The following GABBR2 variants were observed in gnomAD, a reference collection of about 807,000 sequenced individuals.
GABBR2 encodes the protein G-protein coupled receptor 51.
In GABBR2, 23 loss-of-function variants were observed where a neutral mutation model predicts 105.6. The ratio of observed to expected loss-of-function variants is 0.22; its 90% CI spans 0.16 to 0.31. The LOEUF (loss-of-function observed/expected upper bound fraction) is 0.31, where lower values mean the gene tolerates loss of function less well. Ranked by LOEUF, GABBR2 falls within the 10% of genes least tolerant of loss-of-function variation. The pLI is 1.00. For missense variants in GABBR2, 734 were observed against 1,245.5 expected (o/e 0.59, Z 6.18); for synonymous variants, 478 against 499.7 (o/e 0.96, Z 0.58).
At chr9:98,676,020 G>A (rs1209093765) in intron 1 of GABBR2, among the ~76,000 whole-genome samples, 1 of 152,168 alleles carries the variant, frequency 6.6e-6, no homozygotes, top group Non-Finnish European at 1.5e-5. Flanking sequence ...AGAAACCTGT[G>A]GATATGTTAC....
At chr9:98,309,554 G>A (rs552757925) in intron 14 of GABBR2, among the ~76,000 whole-genome samples, 121 of 152,346 alleles carry the variant, frequency 7.9e-4, no homozygotes, top group African/African-American at 2.8e-3. Flanking sequence ...TTTACATGGA[G>A]ATGGAGTCTG....
intron 3 of GABBR2, among the ~76,000 whole-genome samples, chr9:98,513,184 G>A (rs1241192397): frequency 1.3e-5 from 2 of 151,952 alleles, no homozygotes; most frequent in Admixed American, 6.6e-5. Flanking sequence ...AAATGGTGCT[G>A]GGAAAACTGG....
At chr9:98,599,806 C>G (rs1294893463) in intron 1 of GABBR2, among the ~76,000 whole-genome samples, 1 of 152,210 alleles carries the variant, frequency 6.6e-6, no homozygotes, top group Non-Finnish European at 1.5e-5. Flanking sequence ...AGGGGGACAG[C>G]ACAGTGTCTG....
At chr9:98,419,255 C>T (rs1487489271) in intron 7 of GABBR2, among the ~76,000 whole-genome samples, 4 of 152,186 alleles carry the variant, frequency 2.6e-5, no homozygotes, top group Non-Finnish European at 4.4e-5. Flanking sequence ...GGGTATCCTG[C>T]TGGGAGGTGG....
chr9:98,562,355 A>C (rs1828685554), intron 2 of GABBR2, among the ~76,000 whole-genome samples: 1 of 152,238 alleles, frequency 6.6e-6, no homozygotes, highest in Admixed American at 6.5e-5. Flanking sequence ...GCTTGTGTCC[A>C]AATAAATTCC....
At chr9:98,474,149 T>G (rs776537315) in intron 5 of GABBR2, among the ~76,000 whole-genome samples, 2 of 152,196 alleles carry the variant, frequency 1.3e-5, no homozygotes, top group Non-Finnish European at 2.9e-5. Flanking sequence ...ATCCTCATTC[T>G]AGAGAGGAGG....
chr9:98,545,360 G>A (rs1304653968), intron 2 of GABBR2, among the ~76,000 whole-genome samples: 1 of 152,162 alleles, frequency 6.6e-6, no homozygotes, highest in African/African-American at 2.4e-5. Context: ...AGATTGCTTT[G>A]CGTCACTGTT....
chr9:98,482,348 A>G (rs1052840616), intron 4 of GABBR2, among the ~76,000 whole-genome samples: 1 of 152,210 alleles, frequency 6.6e-6, no homozygotes, highest in African/African-American at 2.4e-5. Context: ...GGGAAAAAAA[A>G]CACTGGCTCT....
chr9:98,519,980 A>T (rs1827834396), intron 3 of GABBR2, among the ~76,000 whole-genome samples: 1 of 152,140 alleles, frequency 6.6e-6, no homozygotes, highest in African/African-American at 2.4e-5. Context: ...GAGAGGCAAA[A>T]GCATGAACTC....
At chr9:98,627,295 G>A (rs1168159320) in intron 1 of GABBR2, among the ~76,000 whole-genome samples, 2 of 152,140 alleles carry the variant, frequency 1.3e-5, no homozygotes, top group East Asian at 1.9e-4. Context: ...TTCCTCGGAG[G>A]CCAAATTCCT....
chr9:98,419,530 C>T (rs1247969939), intron 7 of GABBR2, among the ~76,000 whole-genome samples: 3 of 152,048 alleles, frequency 2.0e-5, no homozygotes, highest in African/African-American at 4.8e-5. Context: ...CTGGGAGGAG[C>T]GGAAGAACCT....
At chr9:98,490,330 C>T (rs1827150826) in intron 4 of GABBR2, among the ~76,000 whole-genome samples, 1 of 152,062 alleles carries the variant, frequency 6.6e-6, no homozygotes, top group South Asian at 2.1e-4. Flanking sequence ...ATAAAGACTG[C>T]TGATGATTTC....
intron 8 of GABBR2, among the ~76,000 whole-genome samples, chr9:98,404,789 C>T (rs1325638245): frequency 6.6e-6 from 1 of 151,994 alleles, no homozygotes; most frequent in Non-Finnish European, 1.5e-5. Context: ...GAAAGTTCAA[C>T]GCATGACCCG....
intron 1 of GABBR2, among the ~76,000 whole-genome samples, chr9:98,665,827 C>T (rs1317097273): frequency 1.3e-5 from 2 of 152,222 alleles, no homozygotes; most frequent in Non-Finnish European, 2.9e-5. Context: ...CCATATGACA[C>T]CAACCCTCGA....
chr9:98,502,058 G>T (rs778013351), intron 3 of GABBR2, among the ~76,000 whole-genome samples: 2 of 152,150 alleles, frequency 1.3e-5, no homozygotes, highest in Non-Finnish European at 2.9e-5. Context: ...TCCTGCAACT[G>T]ACTGAGCACA....
intron 1 of GABBR2, among the ~76,000 whole-genome samples, chr9:98,645,239 T>G (rs1383422946): frequency 2.0e-5 from 3 of 152,224 alleles, no homozygotes. Flanking sequence ...TGCAATGGGC[T>G]GCAGTGGTAA....
rs77832095 is a variant in GABBR2 at position 98,306,750 on chromosome 9, T to G, written c.2005-405A>C. Among the ~76,000 whole-genome samples the G allele has an allele frequency of 0.019, 2,844 of 152,198 alleles. 84 individuals are homozygous for G. The highest frequency in any genetic ancestry group is 0.063 in the African/African-American group (2,632 of 41,510). On this transcript the variant is annotated intron_variant, in intron 14 of 18. Coordinates refer to ENST00000259455, the MANE Select transcript of GABBR2 (RefSeq NM_005458.8). This position sits in a 1 kb window ranked among gnomAD's most constrained non-coding sequence, Gnocchi z 5.4. ...AATATGGTAGCAAAAATGGGCTGTG[T>G]TTTTAGAAATTCACTCCAGTCTTTT...
chr9:98,637,315 C>G (rs757379587), intron 1 of GABBR2, among the ~76,000 whole-genome samples: 5 of 152,128 alleles, frequency 3.3e-5, no homozygotes, highest in African/African-American at 9.7e-5. Flanking sequence ...CTCCCCAAGC[C>G]CTTTCTTGTG....
intron 12 of GABBR2, among the ~76,000 whole-genome samples, chr9:98,367,241 TG>T (rs1389255481): frequency 7.1e-6 from 1 of 140,676 alleles, no homozygotes; most frequent in Admixed American, 7.2e-5. Context: ...AAAACTGCAT[TG>T]AAAAAAAGCA....
Sources: allele counts gnomAD v4.1 joint callset (sites outside exome capture counted in the v4.1 genomes callset), GRCh38; gene constraint gnomAD v4.1.1; non-coding constraint Gnocchi (gnomAD v3.1); transcripts MANE v1.5; gene names NCBI Gene and HGNC (gene_info 2026-07-23, HGNC 2026-07-21).